Variants in MGAT4A observed in about 807,000 individuals in gnomAD.
MGAT4A encodes the protein N-acetylglucosaminyltransferase IVa.
Under a neutral mutation model 74.1 loss-of-function variants are expected in MGAT4A, and 33 were observed. That is an observed-to-expected ratio of 0.45 (90% CI 0.34 to 0.60). The LOEUF (loss-of-function observed/expected upper bound fraction) is 0.60. MGAT4A is among the 20% of genes least tolerant of loss of function. MGAT4A has a pLI of 0.02. For synonymous variants in MGAT4A, 198 were observed against 210.4 expected, an observed-to-expected ratio of 0.94 and a Z score of 0.51; for missense variants, 479 against 628.3, an observed-to-expected ratio of 0.76 and a Z score of 2.54.
In MGAT4A at chr2:98,625,464, T is replaced by G; in HGVS notation, c.*102A>C. On this transcript the variant is annotated 3_prime_UTR_variant, in exon 16 of 16. Coordinates refer to ENST00000393487, the MANE Select transcript of MGAT4A (RefSeq NM_012214.3). Reference sequence around the variant, plus strand: ...GACAATCGTCTTATCTACAGTAGACTTCACAAGAGGTAGTGTTCAAGTAGA... The same window carrying G: ...GACAATCGTCTTATCTACAGTAGACGTCACAAGAGGTAGTGTTCAAGTAGA... 1 of 1,551,726 alleles carries G rather than the reference T, an allele frequency of 6.4e-7. No individual in the cohort carries two copies. The highest frequency in any genetic ancestry group is 2.3e-5 in the East Asian group (1 of 43,604).
intron 10 of MGAT4A, 117 bp from the exon 11 acceptor site, chr2:98,640,345 C>G: frequency 1.2e-6 from 1 of 808,238 alleles, no homozygotes. Context: ...CGCGGTGGGT[C>G]ATGCCTATAA....
intron 8 of MGAT4A, 95 bp from the exon 9 acceptor site, chr2:98,645,637 A>G: frequency 1.1e-6 from 1 of 885,650 alleles, no homozygotes; most frequent in Non-Finnish European, 1.6e-6. Context: ...TACCTTTATC[A>G]TGAAAATGAA....
chr2:98,655,717 T>C (rs1429576992), intron 7 of MGAT4A, 197 bp from the exon 8 acceptor site: 1 of 456,334 alleles, frequency 2.2e-6, no homozygotes, highest in Non-Finnish European at 3.9e-6. Flanking sequence ...TTTATCAAAA[T>C]GTATTCCCAA....
chr2:98,703,219 A>C (rs1444582638), intron 2 of MGAT4A, among the ~76,000 whole-genome samples: 1 of 152,228 alleles, frequency 6.6e-6, no homozygotes, highest in Non-Finnish European at 1.5e-5. Flanking sequence ...ATATAAAACA[A>C]AATGGAATTT....
intron 2 of MGAT4A, among the ~76,000 whole-genome samples, chr2:98,689,129 G>A (rs979946744): frequency 7.2e-5 from 11 of 152,104 alleles, no homozygotes; most frequent in African/African-American, 2.2e-4. Context: ...TTTTCTTATT[G>A]TGTTTCTAAG....
intron 3 of MGAT4A, 121 bp downstream of exon 3, chr2:98,678,183 T>C (rs1702003918): frequency 5.1e-6 from 1 of 195,298 alleles, no homozygotes; most frequent in Non-Finnish European, 9.3e-6. Context: ...TGAGCCAAGA[T>C]TGCGCCACTG....
At chr2:98,643,011 A>G (rs1041188867) in intron 10 of MGAT4A, among the ~76,000 whole-genome samples, 1 of 152,240 alleles carries the variant, frequency 6.6e-6, no homozygotes, top group African/African-American at 2.4e-5. Flanking sequence ...AGTCAACTCT[A>G]TAATGACATG....
rs111542304 is a variant in MGAT4A, at chr2:98,691,438, C to CAA, written c.95-12969_95-12968dup. ...CTGGGCATCAGAGCAAGCTCTGTCT[C>CAA]AAAAAAAAAAAAGATTATAATAGAG... On this transcript the variant is annotated intron_variant, in intron 2 of 15. Transcript: ENST00000393487. Among the ~76,000 whole-genome samples the CAA allele has an allele frequency of 1.1e-3, 163 of 144,576 alleles. 1 individual carries two copies. The highest frequency in any genetic ancestry group is 1.5e-3 in the Non-Finnish European group (98 of 66,008). The allele number at this position is 144,576 out of a possible 152,430, so 94.8% of individuals were successfully genotyped here.
intron 2 of MGAT4A, among the ~76,000 whole-genome samples, chr2:98,688,156 A>G (rs889998476): frequency 3.9e-5 from 6 of 152,032 alleles, no homozygotes; most frequent in African/African-American, 1.5e-4. Flanking sequence ...CTTTTTTGAA[A>G]TCTTCTATTT....
chr2:98,655,576 T>C lies in MGAT4A; in HGVS notation c.699-56A>G, dbSNP rs1701645765. 7 of 1,187,272 alleles carry C rather than the reference T, an allele frequency of 5.9e-6. No homozygotes were observed. In the Admixed American group the frequency reaches 1.2e-4, roughly 20 times the overall value. The allele number at this position is 1,187,272 out of a possible 1,614,324, so 73.5% of individuals were successfully genotyped here. A position where few individuals can be genotyped will look rare whatever the true frequency, so the allele number is the denominator to read the frequency against. ...GGAATCAGACTCAAATTTAGTAAAA[T>C]AAGATTAAATGTATAAATGTCAAAT... is the stretch of plus-strand genomic sequence containing the variant. On this transcript the variant is annotated intron_variant, in intron 7 of 15. Transcript: ENST00000393487.
intron 2 of MGAT4A, among the ~76,000 whole-genome samples, chr2:98,702,501 GCAGA>G (rs1702368053): frequency 6.6e-6 from 1 of 152,242 alleles, no homozygotes; most frequent in South Asian, 2.1e-4. Context: ...AGCATGCACA[GCAGA>G]CAGCAGTGCA....
chr2:98,682,749 T>G lies in MGAT4A; in HGVS notation c.95-4278A>C, dbSNP rs771351429. The stretch of plus-strand genomic sequence containing the variant: ...CCCAAAATGCATAACCTGATTCTAA[T>G]CTCAAGGAAACATCGGACACATCCA... On this transcript the variant is annotated intron_variant, in intron 2 of 15. Transcript: ENST00000393487. Among the ~76,000 whole-genome samples, 2 of 150,948 alleles carry G rather than the reference T, an allele frequency of 1.3e-5. 1 individual carries two copies. Among genetic ancestry groups the G allele is most frequent in the South Asian group, 4.1e-4 (2 of 4,830 alleles).
rs555463732 is a variant in MGAT4A at position 98,693,814 on chromosome 2, A to G, written c.95-15343T>C. On this transcript the variant is annotated intron_variant, in intron 2 of 15. Coordinates refer to ENST00000393487, the MANE Select transcript of MGAT4A (RefSeq NM_012214.3). ...TATATATGTACACTGAAATACCTAG[A>G]GCAACCACTCAAATATCTATACAAA... 2.0e-5 allele frequency among the ~76,000 whole-genome samples: 3 copies of G among 152,284 alleles called. No homozygotes were observed. In the East Asian group the frequency reaches 5.8e-4, roughly 29 times the overall value.
At chr2:98,719,874 T>C (rs1702642550) in intron 2 of MGAT4A, among the ~76,000 whole-genome samples, 1 of 152,138 alleles carries the variant, frequency 6.6e-6, no homozygotes, top group African/African-American at 2.4e-5. Flanking sequence ...CTCGAACTCC[T>C]GACCTCAGGC....
At chr2:98,716,150 C>A (rs1702588832) in intron 2 of MGAT4A, among the ~76,000 whole-genome samples, 1 of 152,020 alleles carries the variant, frequency 6.6e-6, no homozygotes, top group African/African-American at 2.4e-5. Flanking sequence ...GAGACCCTGT[C>A]TCTACAAAAA....
chr2:98,653,757 T>C (rs995139160), intron 8 of MGAT4A, among the ~76,000 whole-genome samples: 1 of 152,132 alleles, frequency 6.6e-6, no homozygotes, highest in Admixed American at 6.5e-5. Flanking sequence ...AGAATTAACA[T>C]CAATCTTCCT....
intron 3 of MGAT4A, 57 bp downstream of exon 3, chr2:98,678,247 A>ATATAT (rs1259884597): frequency 1.9e-4 from 67 of 345,248 alleles, no homozygotes; most frequent in African/African-American, 1.7e-3. Flanking sequence ...AAAAAAAAAA[A>ATATAT]AAATATATAT....
intron 2 of MGAT4A, among the ~76,000 whole-genome samples, chr2:98,716,828 G>C (rs1702599467): frequency 6.6e-6 from 1 of 151,978 alleles, no homozygotes; most frequent in African/African-American, 2.4e-5. Flanking sequence ...ATCATCTCTA[G>C]ATTACTTAAA....
Position 98,625,601 on chromosome 2 carries a change from C to T in MGAT4A, c.1582-9G>A. 6.2e-7 allele frequency: 1 copy of T among 1,603,550 alleles called. No individual in the cohort carries two copies. Among genetic ancestry groups the T allele is most frequent in the Non-Finnish European group, 8.5e-7 (1 of 1,173,578 alleles). The stretch of plus-strand genomic sequence containing the variant: ...GCTTTTTTAATATGAATCTGAAATA[C>T]AAAATCATAAAAGGTATGATAAAGC... On this transcript the variant is annotated splice_polypyrimidine_tract_variant and intron_variant, in intron 15 of 15. Transcript: ENST00000393487.
Sources: gnomAD v4.1 joint callset for allele counts (sites outside exome capture counted in the v4.1 genomes callset) on GRCh38, gnomAD v4.1.1 for gene constraint, MANE v1.5 for transcripts, NCBI Gene and HGNC (gene_info 2026-07-23, HGNC 2026-07-21) for gene names.